ZNF490: variants seen among roughly 807,000 people sequenced by gnomAD.
The protein encoded by ZNF490 is zinc finger protein 490.
In ZNF490, 11 loss-of-function variants were observed where a neutral mutation model predicts 17.7. That is an observed-to-expected ratio of 0.62 (90% CI 0.39 to 1.03). The LOEUF (loss-of-function observed/expected upper bound fraction) is 1.03. Among genes scored for constraint, ZNF490 ranks in the 50% least tolerant of loss-of-function variants. ZNF490 has a pLI of 0.00. For missense variants in ZNF490, 542 were observed against 643.4 expected, an observed-to-expected ratio of 0.84 and a Z score of 1.71; for synonymous variants, 222 against 216.1, an observed-to-expected ratio of 1.03 and a Z score of -0.24.
At chr19:12,594,095 G>C (rs1417258142) in intron 2 of ZNF490, among the ~76,000 whole-genome samples, 1 of 152,158 alleles carries the variant, frequency 6.6e-6, no homozygotes, top group Admixed American at 6.6e-5. Context: ...GCCAAGGGCT[G>C]TTTCTTGCAT....
intron 1 of ZNF490, 82 bp downstream of exon 1, chr19:12,610,482 C>A: frequency 8.9e-7 from 1 of 1,124,406 alleles, no homozygotes; most frequent in Middle Eastern, 2.0e-4. Context: ...TTTTATTACA[C>A]ATGATGGGGT....
chr19:12,609,784 T>C (rs1453987875), intron 1 of ZNF490: 2 of 321,526 alleles, frequency 6.2e-6, no homozygotes, highest in African/African-American at 2.3e-5. Context: ...AAACAATGGG[T>C]AAACATGGAC....
At position 12,580,087 on chromosome 19, in the gene ZNF490, A is replaced by G; in HGVS notation, c.*398T>C. The G allele has an allele frequency of 1.0e-6, 1 of 973,250 alleles. No homozygotes were observed. Among genetic ancestry groups the G allele is most frequent in the South Asian group, 4.7e-5 (1 of 21,214 alleles). 60.3% of individuals were successfully genotyped at this position (973,250 alleles called of 1,614,324 possible). ...GCACCACTGCACTCCAGCCTGGGCA[A>G]CAAGAGCAAAATTACATCTCAACAA... On this transcript the variant is annotated 3_prime_UTR_variant, in exon 5 of 5. Transcript: ENST00000311437.
At chr19:12,591,657 T>TA (rs955474892) in intron 2 of ZNF490, among the ~76,000 whole-genome samples, 19 of 150,772 alleles carry the variant, frequency 1.3e-4, no homozygotes, top group South Asian at 4.2e-4. Flanking sequence ...CATTAGGGAA[T>TA]AAAAAAAAAC....
chr19:12,610,812 C>T lies in ZNF490; in HGVS notation c.-132G>A, dbSNP rs1041034852. 4 of 949,278 alleles carry T rather than the reference C, an allele frequency of 4.2e-6. No individual in the cohort carries two copies. In the Admixed American group the frequency reaches 7.4e-5, roughly 18 times the overall value. 58.8% of individuals were successfully genotyped at this position (949,278 alleles called of 1,614,324 possible). A position where few individuals can be genotyped will look rare whatever the true frequency, so the allele number is the denominator to read the frequency against. ...TCCCACCGGCGGAAGCGAGATCTGC[C>T]TAGCTACTAGACCTGCTGCCTAGCT... On this transcript the variant is annotated 5_prime_UTR_variant, in exon 1 of 5. Coordinates refer to ENST00000311437, the MANE Select transcript of ZNF490 (RefSeq NM_020714.3).
At chr19:12,590,830 C>G (rs1426053341) in intron 2 of ZNF490, among the ~76,000 whole-genome samples, 1 of 151,804 alleles carries the variant, frequency 6.6e-6, no homozygotes, top group African/African-American at 2.4e-5. Context: ...GTAATCCCAG[C>G]ACTTTGGGAG....
At chr19:12,598,881 G>A (rs1489104890) in intron 2 of ZNF490, among the ~76,000 whole-genome samples, 1 of 151,614 alleles carries the variant, frequency 6.6e-6, no homozygotes, top group African/African-American at 2.4e-5. Context: ...CAGCTACTAG[G>A]GAGGCTGAGG....
intron 2 of ZNF490, among the ~76,000 whole-genome samples, chr19:12,591,423 A>G (rs2022870308): frequency 6.6e-6 from 1 of 152,102 alleles, no homozygotes; most frequent in African/African-American, 2.4e-5. Flanking sequence ...TCTGGGAAAG[A>G]CCATGTTAAG....
Position 12,581,186 on chromosome 19 carries a change from C to T in ZNF490, c.889G>A (p.Glu297Lys), listed in dbSNP as rs372080877. The T allele has an allele frequency of 3.0e-5, 48 of 1,610,388 alleles. No homozygotes were observed. The highest frequency in any genetic ancestry group is 8.8e-5 in the South Asian group (8 of 90,928). ...GGTTTCTCTCCAGTGTGAGTCCTTT[C>T]GTGGGTTAGAAAAGGCTGGTAATAT... is the stretch of plus-strand genomic sequence containing the variant. ...FIYYQPFLTH[E>K]RTHTGEKPYE... is the part of the protein sequence containing the mutation. The change falls in exon 5 of 5, where the codon GAA (glutamate) becomes AAA (lysine). Residue 297 changes from glutamate (E) to lysine (K), a missense_variant. By Grantham distance (56) the Glu-to-Lys change is moderately conservative (BLOSUM62 1). Coordinates refer to ENST00000311437, the MANE Select transcript of ZNF490 (RefSeq NM_020714.3).
At position 12,581,282 on chromosome 19, in the gene ZNF490, G is replaced by T; in HGVS notation, c.793C>A (p.Leu265Ile). The change falls in exon 5 of 5, where the codon CTT (leucine) becomes ATT (isoleucine). Residue 265 changes from leucine to isoleucine, a missense_variant. Physicochemically the swap from Leu to Ile is conservative, Grantham distance 5 (BLOSUM62 2). Transcript: ENST00000311437. Reference protein sequence around the residue: ...CGKAFRYLTALRRHEKNHTGE... With the variant: ...CGKAFRYLTAIRRHEKNHTGE... The stretch of plus-strand genomic sequence containing the variant: ...GTGTGATTTTTTTCATGGCGCCGAA[G>T]AGCAGTGAGATATCTGAATGCCTTC... 2.5e-6 allele frequency: 4 copies of T among 1,613,754 alleles called. No individual in the cohort carries two copies. Among genetic ancestry groups the T allele is most frequent in the Non-Finnish European group, 3.4e-6 (4 of 1,179,948 alleles).
intron 2 of ZNF490, among the ~76,000 whole-genome samples, chr19:12,593,783 T>G (rs1352752584): frequency 6.6e-6 from 1 of 152,166 alleles, no homozygotes; most frequent in African/African-American, 2.4e-5. Context: ...CACTCGCCAC[T>G]GCTGTTCACT....
intron 2 of ZNF490, among the ~76,000 whole-genome samples, chr19:12,602,095 C>T (rs887922272): frequency 1.1e-3 from 157 of 148,714 alleles, no homozygotes; most frequent in African/African-American, 2.7e-3. Context: ...CACACACACA[C>T]ACACACACAC....
intron 2 of ZNF490, 28 bp from the exon 3 acceptor site, chr19:12,583,584 A>T: frequency 6.5e-7 from 1 of 1,546,702 alleles, no homozygotes; most frequent in Non-Finnish European, 8.8e-7. Context: ...TGTGTTTAGG[A>T]GGAGGAGAGA....
In ZNF490 at chr19:12,581,684, A is replaced by C. The variant is rs751725295; in HGVS notation, c.391T>G (p.Cys131Gly). The C allele has an allele frequency of 6.2e-7, 1 of 1,613,506 alleles. No homozygotes were observed. The highest frequency in any genetic ancestry group is 8.5e-7 in the Non-Finnish European group (1 of 1,179,716). ...TGGCTAGTGCTTTTTCCACATGGAC[A>C]ATCTTCTTTATTTTCACAGAGTGCT... ...VEALCENKED[C>G]PCGKSTSQIP... Residue 131 changes from cysteine (C) to glycine (G), a missense_variant, in exon 5 of 5, where the codon TGT becomes GGT. Transcript: ENST00000311437.
intron 2 of ZNF490, 134 bp downstream of exon 2, chr19:12,609,024 A>G: frequency 1.4e-6 from 1 of 732,296 alleles, no homozygotes; most frequent in African/African-American, 1.7e-5. Context: ...GAGCCTGGTT[A>G]TTGGCCTTGA....
intron 2 of ZNF490, among the ~76,000 whole-genome samples, chr19:12,598,686 C>T (rs2022964319): frequency 4.0e-5 from 6 of 150,782 alleles, no homozygotes; most frequent in Admixed American, 4.0e-4. Context: ...AATAATTCTC[C>T]CTTTTTAAAA....
At chr19:12,606,688 C>T (rs1178639589) in intron 2 of ZNF490, among the ~76,000 whole-genome samples, 1 of 151,904 alleles carries the variant, frequency 6.6e-6, no homozygotes, top group Non-Finnish European at 1.5e-5. Context: ...CTCTGTTGCC[C>T]AGGCTTTGAT....
intron 2 of ZNF490, among the ~76,000 whole-genome samples, chr19:12,605,684 G>A (rs991278162): frequency 3.3e-5 from 5 of 152,074 alleles, no homozygotes; most frequent in African/African-American, 7.2e-5. Context: ...CTTGTGAGCC[G>A]TTAGCTTTTG....
chr19:12,607,900 G>A (rs2023090257), intron 2 of ZNF490, among the ~76,000 whole-genome samples: 1 of 152,166 alleles, frequency 6.6e-6, no homozygotes, highest in African/African-American at 2.4e-5. Flanking sequence ...CTGAACTTAA[G>A]GATTGGCTTA....
Sources: gnomAD v4.1 joint callset for allele counts (sites outside exome capture counted in the v4.1 genomes callset) on GRCh38, gnomAD v4.1.1 for gene constraint, MANE v1.5 for transcripts, NCBI Gene and HGNC (gene_info 2026-07-23, HGNC 2026-07-21) for gene names.